Variants in OIP5 observed in about 807,000 individuals in gnomAD.
OIP5 encodes the protein protein Mis18-beta.
OIP5 carries 24 observed loss-of-function variants against 20.3 expected under a neutral mutation model. That is an observed-to-expected ratio of 1.18 (90% CI 0.86 to 1.66). OIP5 has a LOEUF of 1.66. OIP5 is among the 40% of genes most tolerant of loss of function. The pLI, the probability that OIP5 is intolerant of heterozygous loss-of-function variation, is 0.00. For synonymous variants in OIP5, 143 were observed against 121.3 expected, an observed-to-expected ratio of 1.18 and a Z score of -1.17; for missense variants, 339 against 289.5, an observed-to-expected ratio of 1.17 and a Z score of -1.24.
At position 41,332,313 on chromosome 15, in the gene OIP5, A is replaced by C. The variant is rs558767582; in HGVS notation, c.249T>G (p.Cys83Trp). 7.5e-6 allele frequency: 12 copies of C among 1,606,232 alleles called. No homozygotes were observed. In the South Asian group the frequency reaches 1.3e-4, roughly 18 times the overall value. The change falls in exon 1 of 5, where the codon TGT becomes TGG. Residue 83 changes from cysteine (C) to tryptophan (W), a missense_variant. Cys to Trp is a radical substitution (Grantham distance 215). Transcript: ENST00000220514. ...ERCAVFQCAQ[C>W]HAVLADSVHL... The stretch of plus-strand genomic sequence containing the variant: ...GCACCGAGTCGGCGAGCACTGCGTG[A>C]CACTGTGCGCACTGGAACACAGCGC...
Position 41,332,322 on chromosome 15 carries a change from G to A in OIP5, c.240C>T (p.Cys80=), listed in dbSNP as rs751570599. 1.9e-6 allele frequency: 3 copies of A among 1,608,698 alleles called. No homozygotes were observed. Among genetic ancestry groups the A allele is most frequent in the South Asian group, 2.2e-5 (2 of 90,566 alleles). The change falls in exon 1 of 5, where the codon TGC becomes TGT. Residue 80 remains cysteine, a synonymous_variant. Transcript: ENST00000220514. ...CGGCGAGCACTGCGTGACACTGTGC[G>A]CACTGGAACACAGCGCACCTCTCAG... ...LQPERCAVFQ[C]AQCHAVLADS...
intron 1 of OIP5, 84 bp downstream of exon 1, chr15:41,332,156 G>C (rs919478896): frequency 1.4e-6 from 2 of 1,437,180 alleles, no homozygotes; most frequent in African/African-American, 1.4e-5. Flanking sequence ...TCTTCCCCAG[G>C]TGGTTCTCCG....
chr15:41,322,750 C>T (rs1052282512), intron 2 of OIP5, among the ~76,000 whole-genome samples: 3 of 152,090 alleles, frequency 2.0e-5, no homozygotes, highest in East Asian at 1.9e-4. Context: ...GCCTGGCCAA[C>T]GTGGCGAAAC....
At chr15:41,332,195 T>C in intron 1 of OIP5, 45 bp downstream of exon 1, 1 of 1,518,718 alleles carries the variant, frequency 6.6e-7, no homozygotes, top group Non-Finnish European at 8.8e-7. Context: ...GGGAACACCC[T>C]CTCGGGCTAG....
At chr15:41,312,316 C>G (rs1054323792) in intron 4 of OIP5, among the ~76,000 whole-genome samples, 6 of 151,934 alleles carry the variant, frequency 3.9e-5, no homozygotes, top group African/African-American at 1.5e-4. Flanking sequence ...CATGTGCCAC[C>G]ACGCCCGGCT....
intron 3 of OIP5, among the ~76,000 whole-genome samples, chr15:41,314,192 C>G (rs1037619491): frequency 6.6e-6 from 1 of 152,034 alleles, no homozygotes; most frequent in South Asian, 2.1e-4. Flanking sequence ...ACCTCTGCCT[C>G]CTGGGTTCAA....
intron 2 of OIP5, among the ~76,000 whole-genome samples, chr15:41,326,428 TG>T (rs962541230): frequency 2.0e-5 from 3 of 152,158 alleles, no homozygotes; most frequent in Admixed American, 2.0e-4. Context: ...TATTGTTTTT[TG>T]TTTGTGATTT....
chr15:41,319,626 G>A lies in OIP5; in HGVS notation c.512+32C>T, dbSNP rs773074989. The stretch of plus-strand genomic sequence containing the variant: ...TGTCTCAAAATAAATAAAATAAAAT[G>A]TATTTGATGATCAATATCTAAGTCT... On this transcript the variant is annotated intron_variant, in intron 3 of 4. Coordinates refer to ENST00000220514, the MANE Select transcript of OIP5 (RefSeq NM_007280.2). 3.2e-6 allele frequency: 5 copies of A among 1,571,238 alleles called. No homozygotes were observed. In the African/African-American group the frequency reaches 5.5e-5, roughly 17 times the overall value.
intron 4 of OIP5, among the ~76,000 whole-genome samples, chr15:41,312,407 C>T (rs2047761688): frequency 6.7e-6 from 1 of 149,236 alleles, no homozygotes; most frequent in African/African-American, 2.5e-5. Flanking sequence ...GTTATCCATC[C>T]GCCTCAGCCT....
At chr15:41,329,341 A>C (rs1595504474) in intron 2 of OIP5, among the ~76,000 whole-genome samples, 1 of 122,964 alleles carries the variant, frequency 8.1e-6, no homozygotes, top group Non-Finnish European at 1.6e-5. Context: ...TTTCAGACGG[A>C]GTCTCGATCT....
chr15:41,310,781 T>G (rs945997165), intron 4 of OIP5, among the ~76,000 whole-genome samples: 7 of 152,178 alleles, frequency 4.6e-5, no homozygotes, highest in African/African-American at 1.7e-4. Context: ...TGGCAAGAAT[T>G]TAGCTTTTCT....
At chr15:41,312,004 G>A (rs750389054) in intron 4 of OIP5, among the ~76,000 whole-genome samples, 3 of 142,432 alleles carry the variant, frequency 2.1e-5, no homozygotes, top group East Asian at 3.9e-4. Context: ...ATAGGCATGC[G>A]CCAACACGCC....
At chr15:41,312,553 G>A (rs2047762888) in intron 4 of OIP5, among the ~76,000 whole-genome samples, 1 of 150,702 alleles carries the variant, frequency 6.6e-6, no homozygotes, top group Non-Finnish European at 1.5e-5. Context: ...TCCACCACCT[G>A]GGTTCAAGCG....
At chr15:41,324,703 G>A (rs1381775129) in intron 2 of OIP5, among the ~76,000 whole-genome samples, 1 of 151,882 alleles carries the variant, frequency 6.6e-6, no homozygotes, top group Admixed American at 6.6e-5. Context: ...TGGTCAGGCT[G>A]GTCTTGAATT....
intron 3 of OIP5, among the ~76,000 whole-genome samples, chr15:41,315,444 A>T (rs933717719): frequency 7.9e-5 from 12 of 151,498 alleles, no homozygotes; most frequent in African/African-American, 2.9e-4. Flanking sequence ...AAAAAAAAAA[A>T]TTTATGCTGA....
intron 2 of OIP5, among the ~76,000 whole-genome samples, chr15:41,321,046 G>A (rs564785091): frequency 4.2e-5 from 6 of 144,046 alleles, no homozygotes; most frequent in African/African-American, 1.0e-4. Context: ...CCCTCCGCCC[G>A]GCAGCCTCCC....
chr15:41,317,277 TCAA>T (rs1387240183), intron 3 of OIP5, among the ~76,000 whole-genome samples: 1 of 152,046 alleles, frequency 6.6e-6, no homozygotes, highest in Non-Finnish European at 1.5e-5. Context: ...CTTCCAAACT[TCAA>T]CACTAGTACT....
At chr15:41,329,535 C>T (rs928871241) in intron 2 of OIP5, among the ~76,000 whole-genome samples, 2 of 151,678 alleles carry the variant, frequency 1.3e-5, no homozygotes, top group African/African-American at 4.8e-5. Flanking sequence ...AGGCTGGTCC[C>T]GAACTCCCGA....
At chr15:41,311,375 T>C (rs2047753500) in intron 4 of OIP5, among the ~76,000 whole-genome samples, 1 of 150,998 alleles carries the variant, frequency 6.6e-6, no homozygotes, top group East Asian at 2.0e-4. Context: ...ACTGTGCCAC[T>C]GCATTCCAGC....
Sources: gnomAD v4.1 joint callset for allele counts (sites outside exome capture counted in the v4.1 genomes callset) on GRCh38, gnomAD v4.1.1 for gene constraint, MANE v1.5 for transcripts, NCBI Gene and HGNC (gene_info 2026-07-23, HGNC 2026-07-21) for gene names.